The following FYB2 variants were observed in gnomAD, a reference collection of about 807,000 sequenced individuals.
The protein encoded by FYB2 is FYN binding protein 2, also known as FYN-binding protein 2.
In FYB2, 103 loss-of-function variants were observed where a neutral mutation model predicts 94.1. That is an observed-to-expected ratio of 1.09 (90% CI 0.93 to 1.29). FYB2 has a LOEUF of 1.29. FYB2 is among the 50% of genes most tolerant of loss of function. The probability of loss-of-function intolerance (pLI) is 0.00; values close to 1 mark genes in which losing one functional copy is unlikely to be tolerated. For missense variants in FYB2, 896 were observed against 841.5 expected, an observed-to-expected ratio of 1.06 and a Z score of -0.80; for synonymous variants, 293 against 287.9, an observed-to-expected ratio of 1.02 and a Z score of -0.18.
rs1025383426 is a variant in FYB2, at chr1:56,763,905, T to C, written c.1063+3924A>G. ...ATTATGACTCTTCGCGAGATTGCAT[T>C]TCTTTTAGATTTGCTTGGTTTCTTG... On this transcript the variant is annotated intron_variant, in intron 5 of 19. Coordinates refer to ENST00000343433, the MANE Select transcript of FYB2 (RefSeq NM_001004303.5). 3.9e-5 allele frequency among the ~76,000 whole-genome samples: 6 copies of C among 152,196 alleles called. No homozygotes were observed. In the South Asian group the frequency reaches 1.2e-3, roughly 32 times the overall value.
chr1:56,762,600 C>A (rs767940610), intron 5 of FYB2, among the ~76,000 whole-genome samples: 1 of 152,034 alleles, frequency 6.6e-6, no homozygotes, highest in Non-Finnish European at 1.5e-5. Flanking sequence ...TTTCTGAAAT[C>A]ATTTATTAGT....
At chr1:56,749,933 T>C (rs1425754068) in intron 9 of FYB2, among the ~76,000 whole-genome samples, 2 of 152,092 alleles carry the variant, frequency 1.3e-5, no homozygotes, top group Non-Finnish European at 2.9e-5. Flanking sequence ...AAAAAATTTA[T>C]TCTTCACTTT....
At chr1:56,740,924 T>G in intron 12 of FYB2, 129 bp from the exon 13 acceptor site, 3 of 517,776 alleles carry the variant, frequency 5.8e-6, no homozygotes. Flanking sequence ...TAGGTATACA[T>G]GGTCATAAAG....
chr1:56,818,455 AACACACACACACACACACACACACACAC>A (rs3991685), intron 1 of FYB2, among the ~76,000 whole-genome samples: 1 of 139,876 alleles, frequency 7.1e-6, no homozygotes, highest in Non-Finnish European at 1.5e-5. Flanking sequence ...GTATGGAAGC[AACACACACACACACACACACACACACAC>A]ACACACACAC....
intron 13 of FYB2, among the ~76,000 whole-genome samples, chr1:56,739,113 T>C: frequency 6.6e-6 from 1 of 151,958 alleles, no homozygotes; most frequent in East Asian, 1.9e-4. Flanking sequence ...AGAAGTAGAA[T>C]GGGGACAGCC....
chr1:56,760,984 G>A (rs930885517), intron 5 of FYB2, among the ~76,000 whole-genome samples: 2 of 152,098 alleles, frequency 1.3e-5, no homozygotes, highest in Admixed American at 6.5e-5. Context: ...CAGAGTCCTC[G>A]CTTACTTTCT....
intron 1 of FYB2, among the ~76,000 whole-genome samples, chr1:56,806,187 C>A (rs1646643355): frequency 6.6e-6 from 1 of 152,116 alleles, no homozygotes; most frequent in Admixed American, 6.6e-5. Flanking sequence ...ATGACAACAC[C>A]TTGAGGTCCC....
chr1:56,766,390 AAG>A (rs759796087), intron 5 of FYB2, among the ~76,000 whole-genome samples: 96 of 152,300 alleles, frequency 6.3e-4, no homozygotes, highest in Non-Finnish European at 1.1e-3. Context: ...CCCAGTCTAA[AAG>A]AGAGGCAGTT....
Position 56,798,094 on chromosome 1 carries a change from G to T in FYB2, c.10-5291C>A, listed in dbSNP as rs546002722. On this transcript the variant is annotated intron_variant, in intron 1 of 19. Transcript: ENST00000343433. Reference sequence around the variant, plus strand: ...GGCAGAAGTGACCCACGAAATCCTTGGTGAATGAATGAGTCAGTGAATAGA... The same window carrying T: ...GGCAGAAGTGACCCACGAAATCCTTTGTGAATGAATGAGTCAGTGAATAGA... Among the ~76,000 whole-genome samples, 3 of 152,298 alleles carry T rather than the reference G, an allele frequency of 2.0e-5. No homozygotes were observed. In the East Asian group the frequency reaches 5.8e-4, roughly 29 times the overall value.
At chr1:56,756,579 G>A (rs1271626903) in intron 6 of FYB2, among the ~76,000 whole-genome samples, 1 of 152,106 alleles carries the variant, frequency 6.6e-6, no homozygotes, top group East Asian at 1.9e-4. Flanking sequence ...GGCAGCCCTG[G>A]AAACCATTAT....
chr1:56,767,879 C>T lies in FYB2; in HGVS notation c.1013G>A (p.Arg338Lys). The T allele has an allele frequency of 6.2e-7, 1 of 1,612,416 alleles. No homozygotes were observed. The highest frequency in any genetic ancestry group is 8.5e-7 in the Non-Finnish European group (1 of 1,179,458). Reference sequence around the variant, plus strand: ...CAGGTTAATGGAGTTGCCAGAGTGTCTCAGATATGAAATTGTTGCCTCGTA... The same window carrying T: ...CAGGTTAATGGAGTTGCCAGAGTGTTTCAGATATGAAATTGTTGCCTCGTA... ...HNYEATISYL[R>K]HSGNSINLCT... Residue 338 changes from arginine to lysine, a missense_variant, in exon 5 of 20, where the codon AGA (arginine) becomes AAA (lysine). Transcript: ENST00000343433.
At chr1:56,768,710 TAAGCTGATAGTGA>T (rs1389747073) in intron 4 of FYB2, among the ~76,000 whole-genome samples, 1 of 152,124 alleles carries the variant, frequency 6.6e-6, no homozygotes, top group African/African-American at 2.4e-5. Flanking sequence ...CCACTCAAAA[TAAGCTGATAGTGA>T]AAACTGAAAA....
chr1:56,809,792 TAA>T (rs1326030637), intron 1 of FYB2, among the ~76,000 whole-genome samples: 6 of 152,176 alleles, frequency 3.9e-5, no homozygotes, highest in African/African-American at 9.7e-5. Context: ...GCTTTGGATT[TAA>T]AAGTCTTAAG....
At chr1:56,719,784 A>C in intron 19 of FYB2, 92 bp from the exon 20 acceptor site, 15 of 1,227,976 alleles carry the variant, frequency 1.2e-5, no homozygotes, top group Non-Finnish European at 1.7e-5. Flanking sequence ...GATCTAGTTT[A>C]ATATGTTTGT....
chr1:56,781,554 T>C (rs1383434443), intron 4 of FYB2, among the ~76,000 whole-genome samples: 1 of 152,234 alleles, frequency 6.6e-6, no homozygotes, highest in African/African-American at 2.4e-5. Context: ...ATAAAGTACT[T>C]AGAATAAACA....
chr1:56,770,689 G>A (rs1645733223), intron 4 of FYB2, among the ~76,000 whole-genome samples: 1 of 152,032 alleles, frequency 6.6e-6, no homozygotes, highest in African/African-American at 2.4e-5. Flanking sequence ...AAGCATTCCA[G>A]GGAGATAAAC....
At chr1:56,720,588 A>T (rs1337443918) in intron 17 of FYB2, 2 of 271,032 alleles carry the variant, frequency 7.4e-6, no homozygotes, top group Non-Finnish European at 1.4e-5. Flanking sequence ...CATTATTATT[A>T]TTTTTTCTCT....
upstream of FYB2, among the ~76,000 whole-genome samples, chr1:56,822,510 G>A (rs111662760): frequency 6.6e-5 from 10 of 152,272 alleles, no homozygotes; most frequent in African/African-American, 9.6e-5. Flanking sequence ...GCTCCTCTGC[G>A]TAGCAGGGAT....
At chr1:56,817,651 A>G (rs1646914029) in intron 1 of FYB2, among the ~76,000 whole-genome samples, 1 of 152,246 alleles carries the variant, frequency 6.6e-6, no homozygotes, top group African/African-American at 2.4e-5. Context: ...GAATAAATGA[A>G]TATTTTGTTA....
Sources: allele counts gnomAD v4.1 joint callset (sites outside exome capture counted in the v4.1 genomes callset), GRCh38; gene constraint gnomAD v4.1.1; transcripts MANE v1.5; gene names NCBI Gene and HGNC (gene_info 2026-07-23, HGNC 2026-07-21).